The following SNTG1 variants were observed in gnomAD, a reference collection of about 807,000 sequenced individuals.
SNTG1 encodes syntrophin gamma 1, also known as gamma-1-syntrophin.
Under a neutral mutation model 74.7 loss-of-function variants are expected in SNTG1, and 39 were observed. That is an observed-to-expected ratio of 0.52 (90% CI 0.40 to 0.68). SNTG1 has a LOEUF of 0.68. SNTG1 is among the 30% of genes least tolerant of loss of function. The pLI, the probability that SNTG1 is intolerant of heterozygous loss-of-function variation, is 0.00. For synonymous variants in SNTG1, 254 were observed against 217.1 expected (o/e 1.17, Z -1.49); for missense variants, 685 against 609.5 (o/e 1.12, Z -1.30).
intron 2 of SNTG1, among the ~76,000 whole-genome samples, chr8:50,235,454 C>T (rs1051185142): frequency 1.3e-5 from 2 of 151,880 alleles, no homozygotes; most frequent in African/African-American, 2.4e-5. Flanking sequence ...TTGTACATGA[C>T]AAATACATAC....
At position 50,568,689 on chromosome 8, in the gene SNTG1, G is replaced by A. The variant is rs561378365; in HGVS notation, c.810+15510G>A. Among the ~76,000 whole-genome samples the A allele has an allele frequency of 1.2e-3, 176 of 151,858 alleles. 1 individual carries two copies. The highest frequency in any genetic ancestry group is 1.9e-3 in the Non-Finnish European group (128 of 67,928). ...CCCATTTTTTAATCTGATTTTTTTAGTTGAGTTATGTTCCTTGAATATTCT... is the reference window on the plus strand; with the variant it reads ...CCCATTTTTTAATCTGATTTTTTTAATTGAGTTATGTTCCTTGAATATTCT... On this transcript the variant is annotated intron_variant, in intron 12 of 18. Coordinates refer to ENST00000642720, the MANE Select transcript of SNTG1 (RefSeq NM_018967.5).
chr8:50,004,404 G>T (rs1319032651), intron 1 of SNTG1, among the ~76,000 whole-genome samples: 1 of 152,048 alleles, frequency 6.6e-6, no homozygotes, highest in African/African-American at 2.4e-5. Flanking sequence ...AGGAGAGAGA[G>T]GACAATGGTA....
At chr8:50,138,631 T>C (rs986535583) in intron 1 of SNTG1, among the ~76,000 whole-genome samples, 27 of 54,346 alleles carry the variant, frequency 5.0e-4, no homozygotes, top group South Asian at 1.7e-3. Flanking sequence ...GTCTCAACAA[T>C]AATAATAATA....
intron 2 of SNTG1, among the ~76,000 whole-genome samples, chr8:50,177,004 A>G (rs2083023526): frequency 6.6e-6 from 1 of 152,098 alleles, no homozygotes; most frequent in South Asian, 2.1e-4. Context: ...GGTAAAGGCC[A>G]TTGGCAGCCT....
chr8:49,972,957 G>A (rs1341510277), intron 1 of SNTG1, among the ~76,000 whole-genome samples: 6 of 152,144 alleles, frequency 3.9e-5, no homozygotes, highest in East Asian at 1.9e-4. Context: ...TTGGTGTGGC[G>A]ATTCCTCAGG....
chr8:50,185,368 C>T (rs770657076), intron 2 of SNTG1, among the ~76,000 whole-genome samples: 1 of 152,142 alleles, frequency 6.6e-6, no homozygotes, highest in African/African-American at 2.4e-5. Flanking sequence ...AACTGTGAGT[C>T]GATTAAACCT....
intron 13 of SNTG1, among the ~76,000 whole-genome samples, chr8:50,601,525 T>C (rs1175045782): frequency 6.6e-6 from 1 of 152,202 alleles, no homozygotes; most frequent in East Asian, 1.9e-4. Flanking sequence ...TTTTCAGACA[T>C]GTTTTGTTAG....
chr8:50,504,713 A>T lies in SNTG1; in HGVS notation c.466+1833A>T, dbSNP rs758870888. Among the ~76,000 whole-genome samples the T allele has an allele frequency of 2.0e-5, 3 of 152,200 alleles. No individual in the cohort carries two copies. In the East Asian group the frequency reaches 5.8e-4, roughly 29 times the overall value. ...CTACTTGGGAGTCTGAGGTGAGAGG[A>T]TGGCTTGAGCCTGGTAGGCTGAGGA... On this transcript the variant is annotated intron_variant, in intron 9 of 18. Coordinates refer to ENST00000642720, the MANE Select transcript of SNTG1 (RefSeq NM_018967.5).
rs1331929973 is a variant in SNTG1, at chr8:50,697,943, G to A, written c.1039-6657G>A. The stretch of plus-strand genomic sequence containing the variant: ...TGACTTTGGTGTCAGGGTGATACAG[G>A]ATTTGTATAATAAGTTAGGGAGAAA... On this transcript the variant is annotated intron_variant, in intron 15 of 18. Transcript: ENST00000642720. Among the ~76,000 whole-genome samples, 4 of 152,174 alleles carry A rather than the reference G, an allele frequency of 2.6e-5. No homozygotes were observed. In the East Asian group the frequency reaches 7.7e-4, roughly 29 times the overall value.
rs531847235 is a variant in SNTG1 at position 50,126,923 on chromosome 8, T to A, written c.-102-45638T>A. Among the ~76,000 whole-genome samples the A allele has an allele frequency of 3.3e-5, 5 of 152,256 alleles. No homozygotes were observed. In the East Asian group the frequency reaches 9.7e-4, roughly 29 times the overall value. On this transcript the variant is annotated intron_variant, in intron 1 of 18. Transcript: ENST00000642720. ...AAGTGGAGAGGTACGAGCTTTTTCCTCAGGAGCATACAATCTTGGAGGCAG... is the reference window on the plus strand; with the variant it reads ...AAGTGGAGAGGTACGAGCTTTTTCCACAGGAGCATACAATCTTGGAGGCAG...
intron 1 of SNTG1, among the ~76,000 whole-genome samples, chr8:50,047,534 T>A (rs1341335077): frequency 6.6e-6 from 1 of 152,160 alleles, no homozygotes; most frequent in East Asian, 1.9e-4. Flanking sequence ...CTATTTTAAT[T>A]ACATGAACAG....
At chr8:49,945,442 T>C (rs1207972621) in intron 1 of SNTG1, among the ~76,000 whole-genome samples, 2 of 152,228 alleles carry the variant, frequency 1.3e-5, no homozygotes, top group Non-Finnish European at 2.9e-5. Context: ...AGCTGAGGTC[T>C]GCATTCATTT....
At chr8:50,588,404 G>C (rs2094668373) in intron 12 of SNTG1, among the ~76,000 whole-genome samples, 1 of 152,114 alleles carries the variant, frequency 6.6e-6, no homozygotes, top group Admixed American at 6.6e-5. Context: ...GGCGGACGGA[G>C]TTTTCTGTGC....
intron 4 of SNTG1, among the ~76,000 whole-genome samples, chr8:50,405,405 G>T (rs1250944307): frequency 6.6e-6 from 1 of 152,026 alleles, no homozygotes; most frequent in African/African-American, 2.4e-5. Flanking sequence ...AATTAATAAT[G>T]TAGAGCATCA....
At chr8:50,206,154 T>C (rs1401421572) in intron 2 of SNTG1, among the ~76,000 whole-genome samples, 1 of 152,220 alleles carries the variant, frequency 6.6e-6, no homozygotes, top group Non-Finnish European at 1.5e-5. Flanking sequence ...TAAATTACCT[T>C]GGGCAGTATG....
chr8:50,205,253 A>G (rs1294112827), intron 2 of SNTG1, among the ~76,000 whole-genome samples: 1 of 152,162 alleles, frequency 6.6e-6, no homozygotes, highest in Non-Finnish European at 1.5e-5. Context: ...CTTTTTAATG[A>G]TCACCATTCT....
At chr8:50,530,374 T>G in intron 10 of SNTG1, 115 bp downstream of exon 10, 1 of 1,010,730 alleles carries the variant, frequency 9.9e-7, no homozygotes, top group Non-Finnish European at 1.5e-6. Context: ...CATAATCATT[T>G]AAGAATTATG....
At chr8:50,316,053 A>G (rs1196660014) in intron 2 of SNTG1, among the ~76,000 whole-genome samples, 2 of 152,174 alleles carry the variant, frequency 1.3e-5, no homozygotes, top group Admixed American at 6.5e-5. Flanking sequence ...ACTTTTTTCT[A>G]CAGACATCAT....
chr8:50,290,599 A>G (rs1213565645), intron 2 of SNTG1, among the ~76,000 whole-genome samples: 1 of 152,162 alleles, frequency 6.6e-6, no homozygotes, highest in African/African-American at 2.4e-5. Flanking sequence ...TCCTAAATAT[A>G]GTCATTAGTA....
Sources: gnomAD v4.1 joint callset for allele counts (sites outside exome capture counted in the v4.1 genomes callset) on GRCh38, gnomAD v4.1.1 for gene constraint, MANE v1.5 for transcripts, NCBI Gene and HGNC (gene_info 2026-07-23, HGNC 2026-07-21) for gene names.